NT5DC3: variants seen among roughly 807,000 people sequenced by gnomAD.
NT5DC3 encodes the protein 5'-nucleotidase domain-containing protein 3.
In NT5DC3, 42 loss-of-function variants were observed where a neutral mutation model predicts 67.8. That is an observed-to-expected ratio of 0.62 (90% CI 0.48 to 0.80). The LOEUF (loss-of-function observed/expected upper bound fraction) is 0.80, where lower values mean the gene tolerates loss of function less well. Ranked by LOEUF, NT5DC3 falls within the 30% of genes least tolerant of loss-of-function variation. NT5DC3 has a pLI of 0.00. For synonymous variants in NT5DC3, 237 were observed against 255.6 expected (o/e 0.93, Z 0.69); for missense variants, 570 against 696.4 (o/e 0.82, Z 2.04).
At chr12:103,838,047 T>C (rs1336966634) in intron 1 of NT5DC3, among the ~76,000 whole-genome samples, 1 of 152,172 alleles carries the variant, frequency 6.6e-6, no homozygotes, top group Non-Finnish European at 1.5e-5. Flanking sequence ...CTCAGAATCA[T>C]GGCGGGAGGT....
At chr12:103,833,741 G>A (rs973107970) in intron 1 of NT5DC3, among the ~76,000 whole-genome samples, 9 of 149,632 alleles carry the variant, frequency 6.0e-5, no homozygotes, top group African/African-American at 7.4e-5. Flanking sequence ...AAATCCGTGC[G>A]ACTAACAAAA....
chr12:103,806,291 G>C (rs373034340), intron 4 of NT5DC3, 31 bp downstream of exon 4: 13 of 1,475,398 alleles, frequency 8.8e-6, no homozygotes, highest in Non-Finnish European at 1.2e-5. Flanking sequence ...GTTACTTCAC[G>C]TAAATTAAAT....
chr12:103,750,335 A>C, the NT5DC3 span, among the ~76,000 whole-genome samples: 2 of 152,226 alleles, frequency 1.3e-5, no homozygotes, highest in South Asian at 4.1e-4. Context: ...AAAGCTACTT[A>C]TGTAGGGTGG....
intron 4 of NT5DC3, among the ~76,000 whole-genome samples, chr12:103,804,796 A>G (rs1886726924): frequency 6.6e-6 from 1 of 152,256 alleles, no homozygotes; most frequent in African/African-American, 2.4e-5. Context: ...TCACGCCTAT[A>G]ATCCCAGCAC....
Position 103,777,577 on chromosome 12 carries a change from G to A in NT5DC3, c.*252C>T. 1.9e-6 allele frequency: 1 copy of A among 519,836 alleles called. No homozygotes were observed. Among genetic ancestry groups the A allele is most frequent in the Admixed American group, 3.6e-5 (1 of 27,428 alleles). The allele number at this position is 519,836 out of a possible 1,614,324, so 32.2% of individuals were successfully genotyped here. A position where few individuals can be genotyped will look rare whatever the true frequency, so the allele number is the denominator to read the frequency against. On this transcript the variant is annotated 3_prime_UTR_variant, in exon 14 of 14. Coordinates refer to ENST00000392876, the MANE Select transcript of NT5DC3 (RefSeq NM_001031701.3). ...GGAAACCTGATGTTCCAGGACCTCA[G>A]TAAACAAAAAGGCAAAATCAGAGTT...
At chr12:103,750,598 G>C in the NT5DC3 span, 1 of 1,614,168 alleles carries the variant, frequency 6.2e-7, no homozygotes, top group Non-Finnish European at 8.5e-7. Context: ...AAGTGTGAGT[G>C]TAAAAGTCAC....
chr12:103,841,046 C>T lies in NT5DC3; in HGVS notation c.111G>A (p.Ala37=), dbSNP rs1593453138. 1.6e-6 allele frequency: 2 copies of T among 1,261,102 alleles called. No individual in the cohort carries two copies. The highest frequency in any genetic ancestry group is 2.0e-6 in the Non-Finnish European group (2 of 1,005,818). 78.1% of individuals were successfully genotyped at this position (1,261,102 alleles called of 1,614,324 possible). A position where few individuals can be genotyped will look rare whatever the true frequency, so the allele number is the denominator to read the frequency against. Residue 37 remains alanine, a synonymous_variant, in exon 1 of 14, where the codon GCG becomes GCA. Coordinates refer to ENST00000392876, the MANE Select transcript of NT5DC3 (RefSeq NM_001031701.3). ...CGTAARGRPC[A]GPARPLCTAP... ...CAGTGCACAAGGGCCGGGCGGGGCC[C>T]GCACACGGCCGCCCCCGAGCCGCGG...
chr12:103,766,959 T>C (rs1367429198), downstream of NT5DC3: 4 of 152,558 alleles, frequency 2.6e-5, no homozygotes, highest in East Asian at 5.8e-4. Context: ...GTGGAGAAAA[T>C]AGAACCCTCA....
At chr12:103,833,653 C>A (rs1888023901) in intron 1 of NT5DC3, among the ~76,000 whole-genome samples, 1 of 151,368 alleles carries the variant, frequency 6.6e-6, no homozygotes, top group Non-Finnish European at 1.5e-5. Flanking sequence ...CAATTTAATA[C>A]AGCCTATAAC....
the NT5DC3 span, chr12:103,758,151 ACTT>A: frequency 6.2e-7 from 1 of 1,613,680 alleles, no homozygotes; most frequent in Non-Finnish European, 8.5e-7. Flanking sequence ...CCCTCTGATG[ACTT>A]CCTTCTTCTC....
rs1332105544 is a variant in NT5DC3 at position 103,795,721 on chromosome 12, CAAAAT to C, written c.753+1168_753+1172del. On this transcript the variant is annotated intron_variant, in intron 6 of 13. Coordinates refer to ENST00000392876, the MANE Select transcript of NT5DC3 (RefSeq NM_001031701.3). ...TATGTTATAACTATGTAAATACATA[CAAAAT>C]AATATAAACTTTTTTAGTACTAAAA... is the stretch of plus-strand genomic sequence containing the variant. 4.6e-5 allele frequency among the ~76,000 whole-genome samples: 7 copies of C among 151,516 alleles called. No homozygotes were observed. The East Asian group carries it at 1.2e-3, about 25-fold the overall frequency.
chr12:103,802,168 G>A (rs1349934198), intron 4 of NT5DC3: 4 of 152,194 alleles, frequency 2.6e-5, no homozygotes, highest in African/African-American at 4.8e-5. Context: ...CTCATACACT[G>A]TCCATACTCC....
chr12:103,825,317 C>A (rs1887646271), intron 1 of NT5DC3, among the ~76,000 whole-genome samples: 1 of 152,166 alleles, frequency 6.6e-6, no homozygotes, highest in Admixed American at 6.5e-5. Context: ...GACTACTCCA[C>A]AGAAATCCAT....
At chr12:103,799,444 C>G (rs542954893) in intron 4 of NT5DC3, among the ~76,000 whole-genome samples, 2 of 152,298 alleles carry the variant, frequency 1.3e-5, no homozygotes, top group South Asian at 4.1e-4. Flanking sequence ...AGGAGTTTCC[C>G]CTTTCACTTG....
the NT5DC3 span, chr12:103,758,002 C>T: frequency 1.0e-6 from 1 of 987,068 alleles, no homozygotes; most frequent in Non-Finnish European, 1.5e-6. Flanking sequence ...AGGAAAAGTC[C>T]TCAAACTCTC....
At chr12:103,772,132 A>G (rs1359407912), downstream of NT5DC3, among the ~76,000 whole-genome samples, 4 of 152,130 alleles carry the variant, frequency 2.6e-5, no homozygotes, top group African/African-American at 7.2e-5. Flanking sequence ...TCAGGGATAA[A>G]CTTTTTGAAG....
intron 2 of NT5DC3, among the ~76,000 whole-genome samples, chr12:103,811,264 A>G (rs1887018380): frequency 1.5e-5 from 2 of 131,260 alleles, no homozygotes. Flanking sequence ...CAATACAAGC[A>G]TTCACAAATC....
chr12:103,755,478 C>T, the NT5DC3 span: 1 of 1,612,822 alleles, frequency 6.2e-7, no homozygotes, highest in Non-Finnish European at 8.5e-7. Context: ...GTAACCGCCC[C>T]AGCTACACTT....
chr12:103,752,931 T>G, the NT5DC3 span, among the ~76,000 whole-genome samples: 1 of 152,210 alleles, frequency 6.6e-6, no homozygotes, highest in South Asian at 2.1e-4. Flanking sequence ...ACCAAAATGT[T>G]AGCCATGGAG....
Sources: gnomAD v4.1 joint callset for allele counts (sites outside exome capture counted in the v4.1 genomes callset) on GRCh38, gnomAD v4.1.1 for gene constraint, MANE v1.5 for transcripts, NCBI Gene and HGNC (gene_info 2026-07-23, HGNC 2026-07-21) for gene names.